The following POC5 variants were observed in gnomAD, a reference collection of about 807,000 sequenced individuals.
POC5 encodes the protein centrosomal protein POC5.
In POC5, 48 loss-of-function variants were observed where a neutral mutation model predicts 62.9. The observed-to-expected ratio is 0.76, with a 90% CI of 0.61 to 0.97. The LOEUF (loss-of-function observed/expected upper bound fraction) is 0.97, where lower values mean the gene tolerates loss of function less well. Ranked by LOEUF, POC5 falls within the 50% of genes least tolerant of loss-of-function variation. The pLI is 0.00. For missense variants in POC5, 696 were observed against 679.5 expected (o/e 1.02, Z -0.27); for synonymous variants, 236 against 228.2 (o/e 1.03, Z -0.31).
rs1186185140 is a variant in POC5, at chr5:75,700,428, A to T, written c.513+2177T>A. Reference sequence around the variant, plus strand: ...GAAATAATGCCGCTTATCTACAACTATCTGATCTTTGACAAACCTGAGAAA... The same window carrying T: ...GAAATAATGCCGCTTATCTACAACTTTCTGATCTTTGACAAACCTGAGAAA... On this transcript the variant is annotated intron_variant, in intron 5 of 11. Transcript: ENST00000428202. 2.0e-5 allele frequency among the ~76,000 whole-genome samples: 3 copies of T among 152,096 alleles called. No homozygotes were observed. In the East Asian group the frequency reaches 5.8e-4, roughly 29 times the overall value.
At chr5:75,703,312 AAC>A (rs1195431217) in intron 4 of POC5, among the ~76,000 whole-genome samples, 1 of 152,218 alleles carries the variant, frequency 6.6e-6, no homozygotes, top group Non-Finnish European at 1.5e-5. Flanking sequence ...CTGTAAGTTT[AAC>A]ACTGGGATTG....
rs1275311402 is a variant in POC5 at position 75,705,575 on chromosome 5, G to A, written c.307+129C>T. On this transcript the variant is annotated intron_variant, in intron 4 of 11. Coordinates refer to ENST00000428202, the MANE Select transcript of POC5 (RefSeq NM_001099271.2). ...ATTTTAAATATTATCACTTAAATTA[G>A]CAATAATAGCATTTTAAAATCCTGC... The A allele has an allele frequency of 5.3e-6, 3 of 564,364 alleles. No homozygotes were observed. In the East Asian group the frequency reaches 9.5e-5, roughly 18 times the overall value. The allele number at this position is 564,364 out of a possible 1,614,324, so 35.0% of individuals were successfully genotyped here. A position where few individuals can be genotyped will look rare whatever the true frequency, so the allele number is the denominator to read the frequency against.
At chr5:75,675,164 C>A (rs936683450) in intron 11 of POC5, among the ~76,000 whole-genome samples, 4 of 152,178 alleles carry the variant, frequency 2.6e-5, no homozygotes, top group African/African-American at 7.2e-5. Context: ...AGCACTGAGT[C>A]ATTAAAGTCA....
intron 10 of POC5, among the ~76,000 whole-genome samples, chr5:75,682,088 T>C (rs1016897296): frequency 1.3e-5 from 2 of 152,180 alleles, no homozygotes; most frequent in Non-Finnish European, 2.9e-5. Context: ...TGAAATGGAG[T>C]GTGTATCTGT....
At chr5:75,710,117 C>T (rs1424050484) in intron 2 of POC5, among the ~76,000 whole-genome samples, 2 of 152,196 alleles carry the variant, frequency 1.3e-5, no homozygotes, top group African/African-American at 4.8e-5. Context: ...ACACGGTCAA[C>T]AGCTCATGGT....
In POC5 at chr5:75,689,540, C is replaced by A. The variant is rs374393459; in HGVS notation, c.976-375G>T. On this transcript the variant is annotated intron_variant, in intron 8 of 11. Transcript: ENST00000428202. ...CCCTTTCAGAAAAAAATAAAATAAA[C>A]TACATGCCTGCAATATTAACAGAAT... The A allele has an allele frequency of 1.6e-5, 12 of 754,388 alleles. No individual in the cohort carries two copies. The South Asian group carries it at 1.9e-4, about 12-fold the overall frequency. The allele number at this position is 754,388 out of a possible 1,614,324, so 46.7% of individuals were successfully genotyped here.
intron 5 of POC5, among the ~76,000 whole-genome samples, chr5:75,697,406 A>G (rs1244432317): frequency 1.3e-5 from 2 of 152,202 alleles, no homozygotes; most frequent in Non-Finnish European, 2.9e-5. Flanking sequence ...AATATTCAAC[A>G]TTCTTAAAGA....
At chr5:75,688,434 G>A (rs1343633461) in intron 9 of POC5, among the ~76,000 whole-genome samples, 1 of 152,002 alleles carries the variant, frequency 6.6e-6, no homozygotes, top group Non-Finnish European at 1.5e-5. Flanking sequence ...TCTAGTTATG[G>A]GCTTTTCTAC....
intron 11 of POC5, among the ~76,000 whole-genome samples, chr5:75,676,207 C>T (rs1010724358): frequency 1.7e-4 from 26 of 152,324 alleles, no homozygotes; most frequent in African/African-American, 6.3e-4. Context: ...CTCTTTACAC[C>T]TTCTTTACCT....
chr5:75,697,602 T>G (rs960773174), intron 5 of POC5, among the ~76,000 whole-genome samples: 1 of 151,792 alleles, frequency 6.6e-6, no homozygotes, highest in Non-Finnish European at 1.5e-5. Flanking sequence ...TGCAAAAACA[T>G]GCCAAAATGT....
In POC5 at chr5:75,674,294, G is replaced by C; in HGVS notation, c.*141C>G. On this transcript the variant is annotated 3_prime_UTR_variant, in exon 12 of 12. Transcript: ENST00000428202. Reference sequence around the variant, plus strand: ...ATAGTTACAAAGCATGGTAGAGCTTGAAAAAGCCTCTTGTAATTTTGAACA... The same window carrying C: ...ATAGTTACAAAGCATGGTAGAGCTTCAAAAAGCCTCTTGTAATTTTGAACA... 1 of 786,330 alleles carries C rather than the reference G, an allele frequency of 1.3e-6. No individual in the cohort carries two copies. Among genetic ancestry groups the C allele is most frequent in the Non-Finnish European group, 1.9e-6 (1 of 523,252 alleles). The allele number at this position is 786,330 out of a possible 1,614,324, so 48.7% of individuals were successfully genotyped here.
At chr5:75,713,159 A>G (rs1777419728) in intron 1 of POC5, among the ~76,000 whole-genome samples, 1 of 152,350 alleles carries the variant, frequency 6.6e-6, no homozygotes, top group African/African-American at 2.4e-5. Flanking sequence ...TGAGTTTATA[A>G]CGTAGTCAGG....
At chr5:75,691,760 G>T (rs1030528109) in intron 7 of POC5, among the ~76,000 whole-genome samples, 3 of 151,840 alleles carry the variant, frequency 2.0e-5, no homozygotes, top group African/African-American at 7.3e-5. Flanking sequence ...ACTATGTCTT[G>T]TTGTGGGATA....
chr5:75,692,166 T>A (rs16872776), intron 7 of POC5, among the ~76,000 whole-genome samples: 11,584 of 152,224 alleles, frequency 0.076, 467 homozygotes, highest in South Asian at 0.11. Flanking sequence ...ATTAACCTAC[T>A]ATGAAGCAGG....
intron 4 of POC5, chr5:75,705,210 T>A (rs7711520): frequency 0.22 from 33,104 of 151,312 alleles, 3,730 homozygotes; most frequent in African/African-American, 0.27. Context: ...CAAACAAAAT[T>A]AAAAAAATAC....
At chr5:75,708,833 T>A (rs1035786364) in intron 2 of POC5, among the ~76,000 whole-genome samples, 5 of 152,174 alleles carry the variant, frequency 3.3e-5, no homozygotes, top group African/African-American at 1.2e-4. Context: ...ATTTACAATT[T>A]TTTTCTTCTT....
At position 75,703,580 on chromosome 5, in the gene POC5, C is replaced by A. The variant is rs144591545; in HGVS notation, c.308-770G>T. Reference sequence around the variant, plus strand: ...GGCAGAGGTTGCAGTGAGCCGAGATCGTGCCACTGCACTCCAGCCTGTGAC... The same window carrying A: ...GGCAGAGGTTGCAGTGAGCCGAGATAGTGCCACTGCACTCCAGCCTGTGAC... On this transcript the variant is annotated intron_variant, in intron 4 of 11. Transcript: ENST00000428202. 2.3e-3 allele frequency among the ~76,000 whole-genome samples: 343 copies of A among 152,034 alleles called. 1 individual carries two copies. In the East Asian group the frequency reaches 0.029, roughly 13 times the overall value.
chr5:75,709,822 C>T (rs577529937), intron 2 of POC5, among the ~76,000 whole-genome samples: 1 of 152,276 alleles, frequency 6.6e-6, no homozygotes, highest in African/African-American at 2.4e-5. Flanking sequence ...CATAAAATTT[C>T]AAGTGCATAG....
intron 6 of POC5, among the ~76,000 whole-genome samples, 186 bp downstream of exon 6, chr5:75,694,469 G>T (rs946124526): frequency 2.0e-5 from 3 of 152,138 alleles, no homozygotes; most frequent in Non-Finnish European, 4.4e-5. Context: ...AGAAGTCAAT[G>T]GTGAGGGTAA....
Sources: gnomAD v4.1 joint callset for allele counts (sites outside exome capture counted in the v4.1 genomes callset) on GRCh38, gnomAD v4.1.1 for gene constraint, MANE v1.5 for transcripts, NCBI Gene and HGNC (gene_info 2026-07-23, HGNC 2026-07-21) for gene names.